STAT2: variants seen among roughly 807,000 people sequenced by gnomAD.
The protein encoded by STAT2 is interferon alpha induced transcriptional activator.
A neutral mutation model predicts 122.3 loss-of-function variants in STAT2; 51 were observed. That is an observed-to-expected ratio of 0.42 (90% CI 0.33 to 0.53). The LOEUF is 0.53. STAT2 is among the 20% of genes least tolerant of loss of function. STAT2 has a pLI of 0.10. For missense variants in STAT2, 736 were observed against 1,010.3 expected (o/e 0.73, Z 3.68); for synonymous variants, 351 against 394.9 (o/e 0.89, Z 1.32).
intron 8 of STAT2, among the ~76,000 whole-genome samples, chr12:56,352,603 AATCAATCAATGC>A (rs974513163): frequency 2.9e-5 from 4 of 140,140 alleles, no homozygotes; most frequent in African/African-American, 9.8e-5. Flanking sequence ...TCAATCAATC[AATCAATCAATGC>A]ATGCATGCAT....
chr12:56,349,641 G>A lies in STAT2; in HGVS notation c.1210-5C>T, dbSNP rs200405868. The A allele has an allele frequency of 2.2e-5, 35 of 1,614,198 alleles. No homozygotes were observed. The East Asian group carries it at 7.6e-4, about 35-fold the overall frequency. ...TGAACGTTGCTCCACCAGAGTCTGT[G>A]AATTGAAGGGAAGGAGAGAAAATGC... On this transcript the variant is annotated splice_region_variant and splice_polypyrimidine_tract_variant and intron_variant, in intron 13 of 23. Coordinates refer to ENST00000314128, the MANE Select transcript of STAT2 (RefSeq NM_005419.4).
Position 56,343,509 on chromosome 12 carries a change from A to G in STAT2, c.2436T>C (p.Ile812=). ...GGTCACCATTCGGCATGATTTCTTC[A>G]ATCTTTACACAGTTTCTGAAGACTA... ...PMEIFRNCVK[I]EEIMPNGDPL... is the part of the protein sequence containing the mutation. Residue 812 remains isoleucine (I), a synonymous_variant, in exon 24 of 24, where the codon ATT becomes ATC. Transcript: ENST00000314128. 6.2e-7 allele frequency: 1 copy of G among 1,614,122 alleles called. No homozygotes were observed.
In STAT2 at chr12:56,348,803, C is replaced by T; in HGVS notation, c.1578G>A (p.Gly526=). 1 of 1,614,156 alleles carries T rather than the reference C, an allele frequency of 6.2e-7. No homozygotes were observed. The change falls in exon 18 of 24, where the codon GGG becomes GGA. Residue 526 remains glycine (G), a splice_region_variant and synonymous_variant. Transcript: ENST00000314128. ...ATGGATCCTCAGTCCTACAGTTCTG[C>T]CCTGTGGGACAGATAGCCACAGACA... ...QLSMLRNKLF[G]QNCRTEDPLL...
At chr12:56,355,905 C>CG in intron 3 of STAT2, 102 bp from the exon 4 acceptor site, 1 of 1,353,994 alleles carries the variant, frequency 7.4e-7, no homozygotes, top group Non-Finnish European at 1.0e-6. Context: ...CCTCCTCCTT[C>CG]GGGGTTCTTA....
intron 13 of STAT2, 35 bp downstream of exon 13, chr12:56,350,062 T>A: frequency 6.4e-7 from 1 of 1,551,372 alleles, no homozygotes; most frequent in Non-Finnish European, 8.8e-7. Context: ...AAAATAAAAA[T>A]AGTAATAAAA....
At chr12:56,343,580 C>T in intron 23 of STAT2, 49 bp from the exon 24 acceptor site, 6 of 1,591,034 alleles carry the variant, frequency 3.8e-6, no homozygotes, top group Non-Finnish European at 5.1e-6. Context: ...GTTAGGAGTT[C>T]CCAACCCAGC....
intron 1 of STAT2, 90 bp from the exon 2 acceptor site, chr12:56,356,668 A>AC: frequency 6.8e-7 from 1 of 1,465,742 alleles, no homozygotes; most frequent in African/African-American, 1.4e-5. Context: ...ACTAATTTAA[A>AC]ATGTTTAAAT....
chr12:56,356,275 C>G lies in STAT2; in HGVS notation c.142G>C (p.Ala48Pro). ...WIEDQNWQEA[A>P]LGSDDSKATM... The stretch of plus-strand genomic sequence containing the variant: ...GCCTTGGAATCATCACTCCCAAGTG[C>G]AGCTTCCTGCCTGGGCACCAGGAAT... The change falls in exon 3 of 24, where the codon GCA becomes CCA. Residue 48 changes from alanine to proline, a missense_variant. Physicochemically the swap from Ala to Pro is conservative, Grantham distance 27. Coordinates refer to ENST00000314128, the MANE Select transcript of STAT2 (RefSeq NM_005419.4). 1.9e-6 allele frequency: 3 copies of G among 1,611,412 alleles called. No individual in the cohort carries two copies. The highest frequency in any genetic ancestry group is 1.7e-6 in the Non-Finnish European group (2 of 1,179,978).
In STAT2 at chr12:56,349,039, G is replaced by C; in HGVS notation, c.1461C>G (p.Asn487Lys). The C allele has an allele frequency of 6.2e-7, 1 of 1,613,576 alleles. No homozygotes were observed. The highest frequency in any genetic ancestry group is 8.5e-7 in the Non-Finnish European group (1 of 1,179,720). Residue 487 changes from asparagine to lysine, a missense_variant, in exon 17 of 24, where the codon AAC (asparagine) becomes AAG (lysine). By Grantham distance (94) the Asn-to-Lys change is moderately conservative. Coordinates refer to ENST00000314128, the MANE Select transcript of STAT2 (RefSeq NM_005419.4). ...PNLQNQQFFS[N>K]PPKAPWSLLG... ...GCAAGCTCCAGGGGGCCTTGGGGGG[G>C]TTGGAGAAGAACTGCTGGTTCTGCA...
rs2136030492 is a variant in STAT2 at position 56,342,942 on chromosome 12, G to A, written c.*447C>T. 6.5e-6 allele frequency: 1 copy of A among 154,924 alleles called. No homozygotes were observed. Among genetic ancestry groups the A allele is most frequent in the East Asian group, 1.9e-4 (1 of 5,256 alleles). 9.6% of individuals were successfully genotyped at this position (154,924 alleles called of 1,614,324 possible). The stretch of plus-strand genomic sequence containing the variant: ...GAAGAAAGCAAGTTATCCTAGACAT[G>A]AAGGAATGGAAGAAAGAAATGGAGT... On this transcript the variant is annotated 3_prime_UTR_variant, in exon 24 of 24. Transcript: ENST00000314128.
Position 56,343,457 on chromosome 12 carries a change from C to T in STAT2, c.2488G>A (p.Asp830Asn), listed in dbSNP as rs1876869714. 1.2e-6 allele frequency: 2 copies of T among 1,614,200 alleles called. No homozygotes were observed. ...DPLLAGQNTVDEVYVSRPSHF... is the reference protein window; with the variant it reads ...DPLLAGQNTVNEVYVSRPSHF... ...CTGGGGCGGGAGACGTAAACCTCAT[C>T]CACGGTGTTCTGGCCAGCCAACAGT... Residue 830 changes from aspartate (D) to asparagine (N), a missense_variant, in exon 24 of 24, where the codon GAT becomes AAT. Transcript: ENST00000314128.
chr12:56,355,936 A>G, intron 3 of STAT2, 133 bp from the exon 4 acceptor site: 1 of 1,214,546 alleles, frequency 8.2e-7, no homozygotes, highest in Non-Finnish European at 1.2e-6. Context: ...TTTTCACCAT[A>G]GCATCCTCCC....
intron 19 of STAT2, among the ~76,000 whole-genome samples, chr12:56,347,316 G>A (rs951558272): frequency 1.3e-5 from 2 of 151,732 alleles, no homozygotes; most frequent in Non-Finnish European, 2.9e-5. Flanking sequence ...TCAGCCTCCA[G>A]AGTAGCTGGG....
intron 1 of STAT2, among the ~76,000 whole-genome samples, chr12:56,358,692 G>A (rs574683068): frequency 2.0e-5 from 3 of 152,238 alleles, no homozygotes; most frequent in African/African-American, 7.2e-5. Flanking sequence ...AATATGACAC[G>A]TTTATGACCT....
Position 56,343,887 on chromosome 12 carries a change from T to A in STAT2, c.2351A>T (p.Gln784Leu), listed in dbSNP as rs766748888. The A allele has an allele frequency of 9.3e-6, 15 of 1,614,172 alleles. No individual in the cohort carries two copies. The highest frequency in any genetic ancestry group is 1.3e-5 in the Non-Finnish European group (15 of 1,180,030). ...GGGCAAATCTGGCTCTGGCACTGGC[T>A]GTGATACAGGTCCTTGGTCTGGCTC... ...VPEPDQGPVS[Q>L]PVPEPDLPCD... Residue 784 changes from glutamine (Q) to leucine (L), a missense_variant, in exon 23 of 24, where the codon CAG becomes CTG. Transcript: ENST00000314128.
At chr12:56,355,843 A>G in intron 3 of STAT2, 40 bp from the exon 4 acceptor site, 1 of 1,579,062 alleles carries the variant, frequency 6.3e-7, no homozygotes, top group Non-Finnish European at 8.7e-7. Flanking sequence ...CAATTCAACC[A>G]CTCTCAATGA....
intron 12 of STAT2, 85 bp downstream of exon 12, chr12:56,350,327 T>C: frequency 6.7e-7 from 1 of 1,486,034 alleles, no homozygotes; most frequent in Non-Finnish European, 9.2e-7. Context: ...CCCCTCTTCC[T>C]TGTTTGTGCC....
chr12:56,354,005 AAAAAAAAAAAAATATATAT>A (rs1035757273), intron 8 of STAT2, among the ~76,000 whole-genome samples: 6 of 58,096 alleles, frequency 1.0e-4, no homozygotes, highest in African/African-American at 2.5e-4. Context: ...CAAAAAAAAA[AAAAAAAAAAAAATATATAT>A]ATATATATAT....
Position 56,348,512 on chromosome 12 carries a change from G to C in STAT2, c.1724+17C>G. On this transcript the variant is annotated intron_variant, in intron 19 of 23. Transcript: ENST00000314128. ...GGAAAGCACAAGCCCATGAGGGAAG[G>C]GTGACCAAGGCCTTACCCATCATTC... is the stretch of plus-strand genomic sequence containing the variant. 6.2e-7 allele frequency: 1 copy of C among 1,613,716 alleles called. No individual in the cohort carries two copies. The highest frequency in any genetic ancestry group is 8.5e-7 in the Non-Finnish European group (1 of 1,179,640).
Sources: allele counts gnomAD v4.1 joint callset (sites outside exome capture counted in the v4.1 genomes callset), GRCh38; gene constraint gnomAD v4.1.1; transcripts MANE v1.5; gene names NCBI Gene and HGNC (gene_info 2026-07-23, HGNC 2026-07-21).